Variants in RPS6KA5 observed in about 807,000 individuals in gnomAD.
The protein encoded by RPS6KA5 is ribosomal protein S6 kinase alpha-5.
RPS6KA5 carries 27 observed loss-of-function variants against 85.5 expected under a neutral mutation model. The ratio of observed to expected loss-of-function variants is 0.32; its 90% CI spans 0.23 to 0.44. RPS6KA5 has a LOEUF of 0.44. Ranked by LOEUF, RPS6KA5 falls within the 20% of genes least tolerant of loss-of-function variation. RPS6KA5 has a pLI of 1.00. For synonymous variants in RPS6KA5, 334 were observed against 348.2 expected (o/e 0.96, Z 0.46); for missense variants, 811 against 980.9 (o/e 0.83, Z 2.31).
chr14:90,978,024 C>A (rs1353253612), intron 3 of RPS6KA5, among the ~76,000 whole-genome samples: 1 of 151,962 alleles, frequency 6.6e-6, no homozygotes, highest in Non-Finnish European at 1.5e-5. Flanking sequence ...CACTGCACTC[C>A]AGCCTGGGTG....
chr14:90,884,096 C>T (rs2034032832), intron 14 of RPS6KA5, among the ~76,000 whole-genome samples: 1 of 152,218 alleles, frequency 6.6e-6, no homozygotes, highest in Non-Finnish European at 1.5e-5. Context: ...ACAATGACCA[C>T]TGCCCTCTTT....
chr14:91,001,574 G>A (rs777219913), intron 1 of RPS6KA5, among the ~76,000 whole-genome samples: 2 of 152,094 alleles, frequency 1.3e-5, no homozygotes, highest in Non-Finnish European at 2.9e-5. Context: ...CCAGGTTCTA[G>A]GGTAAGTTCT....
At chr14:90,999,347 C>T (rs367757367) in intron 2 of RPS6KA5, among the ~76,000 whole-genome samples, 1 of 152,250 alleles carries the variant, frequency 6.6e-6, no homozygotes, top group South Asian at 2.1e-4. Context: ...TGGGCAGATA[C>T]CCTTATATGG....
chr14:91,049,259 A>C (rs963907738), intron 1 of RPS6KA5, among the ~76,000 whole-genome samples: 3 of 152,200 alleles, frequency 2.0e-5, no homozygotes, highest in Non-Finnish European at 4.4e-5. Flanking sequence ...AATGTATCCT[A>C]TAAACAAAAG....
In RPS6KA5 at chr14:91,039,287, C is replaced by A. The variant is rs150458230; in HGVS notation, c.103+21045G>T. On this transcript the variant is annotated intron_variant, in intron 1 of 16. Coordinates refer to ENST00000614987, the MANE Select transcript of RPS6KA5 (RefSeq NM_004755.4). ...ACTCTGAGATCCCAGTGGATATTGT[C>A]AATTTCTAGAACCATGGTAGATAAT... Among the ~76,000 whole-genome samples the A allele has an allele frequency of 9.8e-3, 1,496 of 152,254 alleles. 19 individuals carry two copies. The highest frequency in any genetic ancestry group is 0.012 in the Non-Finnish European group (836 of 68,028).
At chr14:90,996,115 GAT>G (rs1478188209) in intron 2 of RPS6KA5, among the ~76,000 whole-genome samples, 1 of 152,080 alleles carries the variant, frequency 6.6e-6, no homozygotes, top group Non-Finnish European at 1.5e-5. Flanking sequence ...AGACTCAAGA[GAT>G]ATTCCTACCT....
rs536328680 is a variant in RPS6KA5 at position 91,020,736 on chromosome 14, G to A, written c.104-19577C>T. ...CATTATTACAGCACTTTTTCCTTGA[G>A]TATAAAATCCAGTATATAATCAAGT... On this transcript the variant is annotated intron_variant, in intron 1 of 16. Coordinates refer to ENST00000614987, the MANE Select transcript of RPS6KA5 (RefSeq NM_004755.4). 9.2e-5 allele frequency among the ~76,000 whole-genome samples: 14 copies of A among 151,522 alleles called. No homozygotes were observed. In the East Asian group the frequency reaches 2.7e-3, roughly 29 times the overall value.
chr14:91,049,702 C>T (rs2042995899), intron 1 of RPS6KA5, among the ~76,000 whole-genome samples: 1 of 152,186 alleles, frequency 6.6e-6, no homozygotes, highest in Admixed American at 6.5e-5. Flanking sequence ...CGTTGCTTAA[C>T]AATGAGAACA....
chr14:90,959,231 T>A (rs2038677312), intron 3 of RPS6KA5, among the ~76,000 whole-genome samples: 1 of 152,182 alleles, frequency 6.6e-6, no homozygotes, highest in African/African-American at 2.4e-5. Flanking sequence ...CATATTGTCA[T>A]CTATGTGAAC....
At chr14:91,031,376 G>A (rs796316887) in intron 1 of RPS6KA5, among the ~76,000 whole-genome samples, 21 of 152,178 alleles carry the variant, frequency 1.4e-4, no homozygotes, top group African/African-American at 4.8e-4. Context: ...TGGAGGATGC[G>A]CCACAGATAT....
At chr14:90,984,317 C>T (rs751735116) in intron 2 of RPS6KA5, among the ~76,000 whole-genome samples, 14 of 152,202 alleles carry the variant, frequency 9.2e-5, no homozygotes, top group South Asian at 4.1e-4. Context: ...AAATGAATGA[C>T]GTAAATCTTT....
rs142533372 is a variant in RPS6KA5, at chr14:90,913,362, C to T, written c.806+6844G>A. ...GTTTCTTTTACAAAGTTAGGGGAAC[C>T]AAAGATGAATGCATGATACTGCAAA... is the stretch of plus-strand genomic sequence containing the variant. On this transcript the variant is annotated intron_variant, in intron 7 of 16. Transcript: ENST00000614987. Among the ~76,000 whole-genome samples, 46 of 152,260 alleles carry T rather than the reference C, an allele frequency of 3.0e-4. 1 individual carries two copies. The highest frequency in any genetic ancestry group is 9.9e-4 in the African/African-American group (41 of 41,558).
intron 7 of RPS6KA5, among the ~76,000 whole-genome samples, chr14:90,915,114 G>C (rs2036039588): frequency 6.6e-6 from 1 of 151,364 alleles, no homozygotes; most frequent in South Asian, 2.1e-4. Flanking sequence ...CTTAAAACAG[G>C]GTAAAAAAAA....
At chr14:90,941,739 G>A (rs978006735) in intron 5 of RPS6KA5, among the ~76,000 whole-genome samples, 9 of 152,202 alleles carry the variant, frequency 5.9e-5, no homozygotes, top group Non-Finnish European at 7.3e-5. Flanking sequence ...AGTACAGAGA[G>A]CCTGCTTTTA....
intron 3 of RPS6KA5, among the ~76,000 whole-genome samples, chr14:90,970,863 A>T (rs2140452737): frequency 6.6e-6 from 1 of 152,168 alleles, no homozygotes; most frequent in Non-Finnish European, 1.5e-5. Flanking sequence ...CAAATCCAAT[A>T]TCATTAGCTA....
chr14:91,044,806 G>T (rs999241843), intron 1 of RPS6KA5, among the ~76,000 whole-genome samples: 1 of 151,510 alleles, frequency 6.6e-6, no homozygotes, highest in African/African-American at 2.4e-5. Context: ...AGGAGGCAGA[G>T]GTTGCAGTGA....
intron 14 of RPS6KA5, among the ~76,000 whole-genome samples, chr14:90,880,282 A>G (rs2033751577): frequency 6.6e-6 from 1 of 151,930 alleles, no homozygotes; most frequent in Non-Finnish European, 1.5e-5. Context: ...ATAACTCCCC[A>G]TTCTCCTTTC....
chr14:91,042,632 G>A (rs2042650127), intron 1 of RPS6KA5, among the ~76,000 whole-genome samples: 1 of 151,970 alleles, frequency 6.6e-6, no homozygotes, highest in Non-Finnish European at 1.5e-5. Context: ...AATCATGCTC[G>A]AAACTCAAAA....
chr14:90,974,532 G>A (rs2039473825), intron 3 of RPS6KA5, among the ~76,000 whole-genome samples: 2 of 152,218 alleles, frequency 1.3e-5, no homozygotes, highest in Admixed American at 6.5e-5. Context: ...TGACAGTGAA[G>A]CTATGTGAGT....
Sources: gnomAD v4.1 joint callset for allele counts (sites outside exome capture counted in the v4.1 genomes callset) on GRCh38, gnomAD v4.1.1 for gene constraint, MANE v1.5 for transcripts, NCBI Gene and HGNC (gene_info 2026-07-23, HGNC 2026-07-21) for gene names.